The following PLCD3 variants were observed in gnomAD, a reference collection of about 807,000 sequenced individuals.
PLCD3 encodes the protein 1-phosphatidylinositol 4,5-bisphosphate phosphodiesterase delta-3.
PLCD3 carries 62 observed loss-of-function variants against 82.8 expected under a neutral mutation model. That is an observed-to-expected ratio of 0.75 (90% CI 0.61 to 0.93). The LOEUF (loss-of-function observed/expected upper bound fraction) is 0.93, where lower values mean the gene tolerates loss of function less well. PLCD3 is among the 40% of genes least tolerant of loss of function. The probability of loss-of-function intolerance (pLI) is 0.00; values close to 1 mark genes in which losing one functional copy is unlikely to be tolerated. For synonymous variants in PLCD3, 478 were observed against 471.8 expected (o/e 1.01, Z -0.17); for missense variants, 1,023 against 1,103.4 (o/e 0.93, Z 1.03).
At chr17:45,130,295 C>T (rs529836543) in intron 1 of PLCD3, among the ~76,000 whole-genome samples, 8 of 152,116 alleles carry the variant, frequency 5.3e-5, no homozygotes, top group South Asian at 2.1e-4. Flanking sequence ...GAGGCCCGGG[C>T]TCAGCTGTAA....
chr17:45,112,744 C>A (rs1262919169), intron 14 of PLCD3, 40 bp from the exon 15 acceptor site: 4 of 1,592,428 alleles, frequency 2.5e-6, no homozygotes, highest in Admixed American at 1.8e-5. Flanking sequence ...CTCTGTGCAC[C>A]CTGGGGGTCT....
rs559857396 is a variant in PLCD3, at chr17:45,118,393, T to C, written c.1013A>G (p.Asp338Gly). 1 of 1,614,028 alleles carries C rather than the reference T, an allele frequency of 6.2e-7. No individual in the cohort carries two copies. The highest frequency in any genetic ancestry group is 1.1e-5 in the South Asian group (1 of 91,080). Residue 338 changes from aspartate to glycine, a missense_variant, in exon 6 of 15, where the codon GAC (aspartate) becomes GGC (glycine). Around this residue, in one of 3 missense-constraint regions of PLCD3, gnomAD observed 553 missense variants for 655.7 expected, o/e 0.84. Coordinates refer to ENST00000619929, the MANE Select transcript of PLCD3 (RefSeq NM_133373.5). This position sits in a 1 kb window ranked among gnomAD's most constrained non-coding sequence, Gnocchi z 4.1. Reference protein sequence around the residue: ...LDNTHTCVFQDMNQPLAHYFI... With the variant: ...LDNTHTCVFQGMNQPLAHYFI... Reference sequence around the variant, plus strand: ...GTAGTGGGCAAGGGGCTGGTTCATGTCCTGGAACACACACGTGTGGGTGTT... The same window carrying C: ...GTAGTGGGCAAGGGGCTGGTTCATGCCCTGGAACACACACGTGTGGGTGTT...
At chr17:45,120,574 C>A in intron 3 of PLCD3, 120 bp from the exon 4 acceptor site, 1 of 1,363,536 alleles carries the variant, frequency 7.3e-7, no homozygotes, top group Non-Finnish European at 1.0e-6. Flanking sequence ...TGTACTTTCC[C>A]CTTGGCCTGT....
At chr17:45,115,587 C>T (rs1473387630) in intron 8 of PLCD3, 97 bp from the exon 9 acceptor site, 4 of 1,137,952 alleles carry the variant, frequency 3.5e-6, no homozygotes, top group East Asian at 2.6e-5. Flanking sequence ...GAGGGGCTGG[C>T]TAGGGGTGGG....
Position 45,118,842 on chromosome 17 carries a change from T to C in PLCD3, c.886A>G (p.Ile296Val). The C allele has an allele frequency of 6.2e-7, 1 of 1,611,066 alleles. No individual in the cohort carries two copies. Among genetic ancestry groups the C allele is most frequent in the Non-Finnish European group, 8.5e-7 (1 of 1,179,340 alleles). The change falls in exon 5 of 15, where the codon ATT becomes GTT. Residue 296 changes from isoleucine to valine, a missense_variant. By Grantham distance (29) the Ile-to-Val change is conservative. Transcript: ENST00000619929. This position sits in a 1 kb window ranked among gnomAD's most constrained non-coding sequence, Gnocchi z 4.1. Reference protein sequence around the residue: ...GATLARAQQLIQTYELNETAK... With the variant: ...GATLARAQQLVQTYELNETAK... ...GTCTCGTTGAGCTCATAGGTCTGAA[T>C]GAGCTGCTGGGCGCGGGCCAGTGTG...
In PLCD3 at chr17:45,112,945, C is replaced by T; in HGVS notation, c.2199G>A (p.Arg733=). 6.2e-7 allele frequency: 1 copy of T among 1,612,996 alleles called. No individual in the cohort carries two copies. Among genetic ancestry groups the T allele is most frequent in the South Asian group, 1.1e-5 (1 of 90,864 alleles). ...TGGCGTCATAATCTTCCACCACAAACCGGACCAGTGCCAGCTCCGGAGCCC... is the reference window on the plus strand; with the variant it reads ...TGGCGTCATAATCTTCCACCACAAATCGGACCAGTGCCAGCTCCGGAGCCC... ...QLRAPELALV[R]FVVEDYDATS... is the part of the protein sequence containing the mutation. The change falls in exon 14 of 15, where the codon CGG becomes CGA. Residue 733 remains arginine, a synonymous_variant. Transcript: ENST00000619929.
At chr17:45,116,951 T>A (rs1412570381) in intron 7 of PLCD3, among the ~76,000 whole-genome samples, 167 bp from the exon 8 acceptor site, 4 of 152,096 alleles carry the variant, frequency 2.6e-5, no homozygotes, top group Non-Finnish European at 1.5e-5. Context: ...AGGAATTATT[T>A]TTTTTTTCTT....
Position 45,113,184 on chromosome 17 carries a change from A to G in PLCD3, c.2069T>C (p.Ile690Thr), listed in dbSNP as rs368541443. The G allele has an allele frequency of 1.9e-5, 30 of 1,612,394 alleles. No homozygotes were observed. Among genetic ancestry groups the G allele is most frequent in the African/African-American group, 5.3e-5 (4 of 74,894 alleles). ...PHSIVDPLVR[I>T]EIHGVPADCA... ...GTCTGCGGGCACCCCATGGATCTCA[A>G]TGCGCACCAGGGGGTCCACAATGGA... Residue 690 changes from isoleucine to threonine, a missense_variant, in exon 13 of 15, where the codon ATT becomes ACT. Ile to Thr is a moderately conservative substitution (Grantham distance 89). Coordinates refer to ENST00000619929, the MANE Select transcript of PLCD3 (RefSeq NM_133373.5).
intron 1 of PLCD3, among the ~76,000 whole-genome samples, chr17:45,129,928 T>G (rs534722646): frequency 6.6e-6 from 1 of 152,318 alleles, no homozygotes; most frequent in South Asian, 2.1e-4. Flanking sequence ...CCTGATTTGA[T>G]ATAAAATCTA....
At position 45,120,971 on chromosome 17, in the gene PLCD3, C is replaced by T; in HGVS notation, c.485G>A (p.Arg162His). ...LAAPTAEEAQRWVRGLTKLRA... is the reference protein window; with the variant it reads ...LAAPTAEEAQHWVRGLTKLRA... ...GAGCTTGGTCAGACCGCGCACCCAG[C>T]GCTGCGCTTCCTCAGCCGTGGGCGC... Residue 162 changes from arginine to histidine, a missense_variant, in exon 3 of 15, where the codon CGC becomes CAC. Arg to His is a conservative substitution (Grantham distance 29). Coordinates refer to ENST00000619929, the MANE Select transcript of PLCD3 (RefSeq NM_133373.5). 6.6e-7 allele frequency: 1 copy of T among 1,525,426 alleles called. No individual in the cohort carries two copies. The highest frequency in any genetic ancestry group is 8.7e-7 in the Non-Finnish European group (1 of 1,143,336). 94.5% of individuals were successfully genotyped at this position (1,525,426 alleles called of 1,614,324 possible).
chr17:45,121,796 C>T (rs1405181965), intron 1 of PLCD3, among the ~76,000 whole-genome samples: 1 of 152,144 alleles, frequency 6.6e-6, no homozygotes, highest in Non-Finnish European at 1.5e-5. Context: ...TCGAGACCAG[C>T]CTGGCCAACA....
chr17:45,129,257 C>A (rs1256234588), intron 1 of PLCD3: 2 of 152,220 alleles, frequency 1.3e-5, no homozygotes, highest in East Asian at 3.8e-4. Flanking sequence ...AGTTCAAGAC[C>A]AGCCTGGACA....
chr17:45,119,062 A>G lies in PLCD3; in HGVS notation c.685-19T>C. ...CACACTCCTGGGGAGCAGCAGGAGA[A>G]GCTCAGAGGAGGCAGACACTCCAGG... On this transcript the variant is annotated intron_variant, in intron 4 of 14. Coordinates refer to ENST00000619929, the MANE Select transcript of PLCD3 (RefSeq NM_133373.5). The G allele has an allele frequency of 6.4e-7, 1 of 1,573,712 alleles. No individual in the cohort carries two copies. The highest frequency in any genetic ancestry group is 8.6e-7 in the Non-Finnish European group (1 of 1,156,514).
chr17:45,119,033 T>C lies in PLCD3; in HGVS notation c.695A>G (p.His232Arg). The C allele has an allele frequency of 1.2e-6, 2 of 1,607,794 alleles. No homozygotes were observed. ...YAYLLFKECD[H>R]SNNDRLEGAE... The stretch of plus-strand genomic sequence containing the variant: ...CCCCTCTAGACGGTCGTTGTTGGAG[T>C]GGTCACACTCCTGGGGAGCAGCAGG... Residue 232 changes from histidine to arginine, a missense_variant, in exon 5 of 15, where the codon CAC (histidine) becomes CGC (arginine). Coordinates refer to ENST00000619929, the MANE Select transcript of PLCD3 (RefSeq NM_133373.5).
At chr17:45,113,856 T>C (rs1324473639) in intron 11 of PLCD3, among the ~76,000 whole-genome samples, 3 of 151,948 alleles carry the variant, frequency 2.0e-5, no homozygotes, top group South Asian at 2.1e-4. Context: ...AGGGCCAGGC[T>C]TGGGTCAGAG....
Position 45,114,456 on chromosome 17 carries a change from G to A in PLCD3, c.1712-90C>T, listed in dbSNP as rs769746563. On this transcript the variant is annotated intron_variant, in intron 10 of 14. Coordinates refer to ENST00000619929, the MANE Select transcript of PLCD3 (RefSeq NM_133373.5). ...GTAACCTCCAGGGAACAGAGCCCAA[G>A]CCCGTCCCCAGGTCACCCTGCCCCC... 5.8e-6 allele frequency: 6 copies of A among 1,028,630 alleles called. No individual in the cohort carries two copies. In the African/African-American group the frequency reaches 6.7e-5, roughly 11 times the overall value. 63.7% of individuals were successfully genotyped at this position (1,028,630 alleles called of 1,614,324 possible). A position where few individuals can be genotyped will look rare whatever the true frequency, so the allele number is the denominator to read the frequency against.
chr17:45,114,952 C>T, intron 10 of PLCD3, 142 bp downstream of exon 10: 1 of 1,237,662 alleles, frequency 8.1e-7, no homozygotes, highest in Non-Finnish European at 1.1e-6. Context: ...TGTGCGGGGC[C>T]CTCATTCCCT....
Position 45,120,364 on chromosome 17 carries a change from G to C in PLCD3, c.645C>G (p.Asn215Lys), listed in dbSNP as rs1458616395. 1 of 1,614,008 alleles carries C rather than the reference G, an allele frequency of 6.2e-7. No individual in the cohort carries two copies. Among genetic ancestry groups the C allele is most frequent in the Non-Finnish European group, 8.5e-7 (1 of 1,179,878 alleles). The change falls in exon 4 of 15, where the codon AAC (asparagine) becomes AAG (lysine). Residue 215 changes from asparagine (N) to lysine (K), a missense_variant. Asn to Lys is a moderately conservative substitution (Grantham distance 94). Transcript: ENST00000619929. Reference protein sequence around the residue: ...KEIKSLLRMVNVDMNDMYAYL... With the variant: ...KEIKSLLRMVKVDMNDMYAYL... ...AGGCGTACATGTCGTTCATGTCCAC[G>C]TTGACCATTCTCAGCAGGCTCTTGA...
rs749841016 is a variant in PLCD3, at chr17:45,112,699, G to A, written c.2287C>T (p.Arg763Cys). ...LPLSSLKQGY[R>C]HIHLLSKDGA... ...TCCTTGGAAAGCAGGTGTATGTGGCGGTACCCTGTAGGGAGGACAGCCAGG... is the reference window on the plus strand; with the variant it reads ...TCCTTGGAAAGCAGGTGTATGTGGCAGTACCCTGTAGGGAGGACAGCCAGG... Residue 763 changes from arginine (R) to cysteine (C), a missense_variant, in exon 15 of 15, where the codon CGC (arginine) becomes TGC (cysteine). Physicochemically the swap from Arg to Cys is radical, Grantham distance 180. Around this residue, in one of 3 missense-constraint regions of PLCD3, gnomAD observed 553 missense variants for 655.7 expected, o/e 0.84. Transcript: ENST00000619929. The A allele has an allele frequency of 1.4e-5, 22 of 1,604,350 alleles. No homozygotes were observed. The highest frequency in any genetic ancestry group is 4.5e-5 in the South Asian group (4 of 88,980).
Sources: allele counts gnomAD v4.1 joint callset (sites outside exome capture counted in the v4.1 genomes callset), GRCh38; gene constraint gnomAD v4.1.1; regional missense constraint gnomAD v4.1.1; non-coding constraint Gnocchi (gnomAD v3.1); transcripts MANE v1.5; gene names NCBI Gene and HGNC (gene_info 2026-07-23, HGNC 2026-07-21).